Variants in CA7 observed in about 807,000 individuals in gnomAD.
CA7 encodes carbonic anhydrase 7.
A neutral mutation model predicts 31.4 loss-of-function variants in CA7; 13 were observed. The ratio of observed to expected loss-of-function variants is 0.41; its 90% CI spans 0.27 to 0.66. The LOEUF is 0.66. Among genes scored for constraint, CA7 ranks in the 30% least tolerant of loss-of-function variants. The pLI, the probability that CA7 is intolerant of heterozygous loss-of-function variation, is 0.28. For synonymous variants in CA7, 128 were observed against 133.2 expected, an observed-to-expected ratio of 0.96 and a Z score of 0.27; for missense variants, 215 against 351.0, an observed-to-expected ratio of 0.61 and a Z score of 3.10.
intron 1 of CA7, among the ~76,000 whole-genome samples, 195 bp from the exon 2 acceptor site, chr16:66,846,835 C>G (rs1054819141): frequency 4.6e-5 from 7 of 152,170 alleles, no homozygotes; most frequent in African/African-American, 1.7e-4. Flanking sequence ...TTTAGTGAGA[C>G]CATTTCACAG....
rs184788973 is a variant in CA7, at chr16:66,849,392, A to G, written c.239-1149A>G. 3.3e-5 allele frequency among the ~76,000 whole-genome samples: 5 copies of G among 152,292 alleles called. No homozygotes were observed. The East Asian group carries it at 9.7e-4, about 29-fold the overall frequency. On this transcript the variant is annotated intron_variant, in intron 2 of 6. Coordinates refer to ENST00000338437, the MANE Select transcript of CA7 (RefSeq NM_005182.3). ...AGAAGTTTCAAGGTTCTAGGGAGGC[A>G]GTGTTGCCTGGTGATTAGTGGCTTG...
At chr16:66,847,569 C>T (rs1301957961) in intron 2 of CA7, among the ~76,000 whole-genome samples, 1 of 152,226 alleles carries the variant, frequency 6.6e-6, no homozygotes, top group Non-Finnish European at 1.5e-5. Flanking sequence ...CCATCACTGA[C>T]CTGCCAAGCC....
At chr16:66,852,967 C>T in intron 6 of CA7, 100 bp downstream of exon 6, 2 of 1,070,878 alleles carry the variant, frequency 1.9e-6, no homozygotes, top group Non-Finnish European at 2.6e-6. Context: ...GTGATCCCAC[C>T]TTCAAGGTTC....
At chr16:66,850,469 G>C in intron 2 of CA7, 72 bp from the exon 3 acceptor site, 1 of 871,472 alleles carries the variant, frequency 1.1e-6, no homozygotes, top group South Asian at 1.3e-5. Flanking sequence ...TTCCTGGGCT[G>C]CTGCCCTGGT....
At chr16:66,844,801 C>T in intron 1 of CA7, 1 of 818,622 alleles carries the variant, frequency 1.2e-6, no homozygotes, top group Non-Finnish European at 1.7e-6. Context: ...CCTGATTGCC[C>T]AGCCCGCTCA....
At chr16:66,848,648 G>GT (rs1323078630) in intron 2 of CA7, among the ~76,000 whole-genome samples, 1 of 152,228 alleles carries the variant, frequency 6.6e-6, no homozygotes, top group African/African-American at 2.4e-5. Flanking sequence ...CACTCCAGAG[G>GT]TCAGACGGGT....
rs909671572 is a variant in CA7, at chr16:66,853,162, T to C, written c.673-214T>C. On this transcript the variant is annotated intron_variant, in intron 6 of 6. Coordinates refer to ENST00000338437, the MANE Select transcript of CA7 (RefSeq NM_005182.3). The surrounding 1 kb of genome is among the most constrained non-coding windows in gnomAD (Gnocchi z 4.5). ...AGTCTTAGCTAGATGGGCTTGGAAC[T>C]AGAACTAGGTAAAGCAGAGCCCAGA... Among the ~76,000 whole-genome samples, 1 of 152,058 alleles carries C rather than the reference T, an allele frequency of 6.6e-6. No individual in the cohort carries two copies. Among genetic ancestry groups the C allele is most frequent in the African/African-American group, 2.4e-5 (1 of 41,378 alleles).
At chr16:66,851,634 T>C in intron 4 of CA7, 30 bp from the exon 5 acceptor site, 1 of 1,613,718 alleles carries the variant, frequency 6.2e-7, no homozygotes, top group Non-Finnish European at 8.5e-7. Flanking sequence ...CACAGTGGGC[T>C]CTGGGCTCAC....
intron 4 of CA7, 24 bp from the exon 5 acceptor site, chr16:66,851,640 C>A (rs777741146): frequency 2.5e-6 from 4 of 1,613,760 alleles, no homozygotes; most frequent in Middle Eastern, 1.6e-4. Context: ...GGGCTCTGGG[C>A]TCACACTGCC....
chr16:66,850,803 C>T, intron 3 of CA7, 144 bp downstream of exon 3: 3 of 651,398 alleles, frequency 4.6e-6, no homozygotes, highest in Non-Finnish European at 8.4e-6. Flanking sequence ...ATATTTTCTA[C>T]CCACCCCCAG....
chr16:66,849,501 T>C (rs1960994706), intron 2 of CA7, among the ~76,000 whole-genome samples: 1 of 152,242 alleles, frequency 6.6e-6, no homozygotes, highest in South Asian at 2.1e-4. Flanking sequence ...GTCATCACTG[T>C]GCCTCAGCTT....
At position 66,853,407 on chromosome 16, in the gene CA7, C is replaced by T. The variant is rs775569838; in HGVS notation, c.704C>T (p.Ser235Leu). The change falls in exon 7 of 7, where the codon TCG becomes TTG. Residue 235 changes from serine to leucine, a missense_variant. Physicochemically the swap from Ser to Leu is moderately radical, Grantham distance 145. Coordinates refer to ENST00000338437, the MANE Select transcript of CA7 (RefSeq NM_005182.3). The surrounding 1 kb of genome is among the most constrained non-coding windows in gnomAD (Gnocchi z 4.5). Reference sequence around the variant, plus strand: ...AAGTTCCGGAGCCTGCTTTTTACCTCGGAGGACGATGAGAGGATCCACATG... The same window carrying T: ...AAGTTCCGGAGCCTGCTTTTTACCTTGGAGGACGATGAGAGGATCCACATG... Reference protein sequence around the residue: ...MGKFRSLLFTSEDDERIHMVN... With the variant: ...MGKFRSLLFTLEDDERIHMVN... The T allele has an allele frequency of 9.3e-6, 15 of 1,614,148 alleles. 1 individual carries two copies. The highest frequency in any genetic ancestry group is 3.3e-4 in the Middle Eastern group (2 of 6,062).
intron 1 of CA7, chr16:66,844,836 C>A: frequency 1.0e-6 from 1 of 965,874 alleles, no homozygotes; most frequent in Non-Finnish European, 1.3e-6. Flanking sequence ...CTCTCACTCA[C>A]TCGCCCCGGG....
At chr16:66,845,242 C>T in intron 1 of CA7, 1 of 985,314 alleles carries the variant, frequency 1.0e-6, no homozygotes, top group Non-Finnish European at 1.2e-6. Flanking sequence ...AAGGTGAGAG[C>T]CAGACGGCTG....
chr16:66,844,912 G>T (rs891939313), intron 1 of CA7: 7 of 1,033,658 alleles, frequency 6.8e-6, no homozygotes, highest in Non-Finnish European at 3.5e-6. Flanking sequence ...CTGTGCGCGG[G>T]TGTCTGCGGG....
At position 66,853,249 on chromosome 16, in the gene CA7, C is replaced by A; in HGVS notation, c.673-127C>A. 8.5e-7 allele frequency: 1 copy of A among 1,173,370 alleles called. No homozygotes were observed. Among genetic ancestry groups the A allele is most frequent in the Admixed American group, 2.0e-5 (1 of 50,092 alleles). 72.7% of individuals were successfully genotyped at this position (1,173,370 alleles called of 1,614,324 possible). Reference sequence around the variant, plus strand: ...AAAAATGAGTGGGGAAGAGTAGGGACAGACCCTAAGGGAAGGAGGAGGGAG... The same window carrying A: ...AAAAATGAGTGGGGAAGAGTAGGGAAAGACCCTAAGGGAAGGAGGAGGGAG... On this transcript the variant is annotated intron_variant, in intron 6 of 6. Transcript: ENST00000338437. The surrounding 1 kb of genome is among the most constrained non-coding windows in gnomAD (Gnocchi z 4.5).
At position 66,853,605 on chromosome 16, in the gene CA7, C is replaced by G; in HGVS notation, c.*107C>G. On this transcript the variant is annotated 3_prime_UTR_variant, in exon 7 of 7. Coordinates refer to ENST00000338437, the MANE Select transcript of CA7 (RefSeq NM_005182.3). The surrounding 1 kb of genome is among the most constrained non-coding windows in gnomAD (Gnocchi z 4.5). ...TTCCTCCCTGGGGGGTGCTGGGGAC[C>G]CTCCTTCAGCCAGTTTGCTCCTTGG... The G allele has an allele frequency of 6.9e-7, 1 of 1,445,842 alleles. No homozygotes were observed. The highest frequency in any genetic ancestry group is 9.3e-7 in the Non-Finnish European group (1 of 1,069,582). The allele number at this position is 1,445,842 out of a possible 1,614,324, so 89.6% of individuals were successfully genotyped here.
chr16:66,844,954 G>A, intron 1 of CA7: 2 of 1,002,446 alleles, frequency 2.0e-6, no homozygotes. Flanking sequence ...GGGGACCTCG[G>A]GGGAGCGGGG....
In CA7 at chr16:66,853,229, T is replaced by C. The variant is rs1961104996; in HGVS notation, c.673-147T>C. On this transcript the variant is annotated intron_variant, in intron 6 of 6. Coordinates refer to ENST00000338437, the MANE Select transcript of CA7 (RefSeq NM_005182.3). The surrounding 1 kb of genome is among the most constrained non-coding windows in gnomAD (Gnocchi z 4.5). The stretch of plus-strand genomic sequence containing the variant: ...TAAATGAGGGTCCTGCAGAGAAAAA[T>C]GAGTGGGGAAGAGTAGGGACAGACC... The C allele has an allele frequency of 2.1e-6, 2 of 967,702 alleles. No individual in the cohort carries two copies. The highest frequency in any genetic ancestry group is 3.3e-5 in the African/African-American group (2 of 61,064). 59.9% of individuals were successfully genotyped at this position (967,702 alleles called of 1,614,324 possible).
Sources: allele counts gnomAD v4.1 joint callset (sites outside exome capture counted in the v4.1 genomes callset), GRCh38; gene constraint gnomAD v4.1.1; non-coding constraint Gnocchi (gnomAD v3.1); transcripts MANE v1.5; gene names NCBI Gene and HGNC (gene_info 2026-07-23, HGNC 2026-07-21).